The following PDZRN4 variants were observed in gnomAD, a reference collection of about 807,000 sequenced individuals.
PDZRN4 encodes the protein PDZ domain containing ring finger 4.
PDZRN4 carries 70 observed loss-of-function variants against 99.0 expected under a neutral mutation model. The observed-to-expected ratio is 0.71, with a 90% confidence interval of 0.58 to 0.86. The LOEUF is 0.86. Among genes scored for constraint, PDZRN4 ranks in the 40% least tolerant of loss-of-function variants. The pLI, the probability that PDZRN4 is intolerant of heterozygous loss-of-function variation, is 0.00. For synonymous variants in PDZRN4, 551 were observed against 501.6 expected, an observed-to-expected ratio of 1.10 and a Z score of -1.32; for missense variants, 1,474 against 1,331.2, an observed-to-expected ratio of 1.11 and a Z score of -1.67.
intron 3 of PDZRN4, among the ~76,000 whole-genome samples, chr12:41,333,434 A>G (rs937456504): frequency 2.6e-5 from 4 of 152,124 alleles, no homozygotes; most frequent in African/African-American, 7.2e-5. Flanking sequence ...TGCTTGCTCC[A>G]TGAATGGGGA....
At chr12:41,510,693 T>C (rs1213876269) in intron 5 of PDZRN4, among the ~76,000 whole-genome samples, 1 of 152,120 alleles carries the variant, frequency 6.6e-6, no homozygotes, top group East Asian at 1.9e-4. Context: ...GGTGATGTCA[T>C]ACAAGTTCAG....
At chr12:41,479,049 A>G (rs1271046420) in intron 3 of PDZRN4, among the ~76,000 whole-genome samples, 6 of 152,168 alleles carry the variant, frequency 3.9e-5, no homozygotes, top group Non-Finnish European at 7.4e-5. Context: ...AAAAAAAGTA[A>G]GTTTTTTTTC....
chr12:41,501,566 G>A (rs774038012), intron 3 of PDZRN4, among the ~76,000 whole-genome samples: 3 of 152,006 alleles, frequency 2.0e-5, no homozygotes, highest in Non-Finnish European at 4.4e-5. Flanking sequence ...CCTAACATTC[G>A]CAAGTTGCTT....
At chr12:41,381,991 T>A (rs1349937877) in intron 3 of PDZRN4, among the ~76,000 whole-genome samples, 3 of 152,044 alleles carry the variant, frequency 2.0e-5, no homozygotes, top group Admixed American at 6.6e-5. Context: ...ATGCTCTCAG[T>A]TTAGGTTTGA....
intron 5 of PDZRN4, among the ~76,000 whole-genome samples, chr12:41,530,017 T>C (rs981401937): frequency 2.6e-5 from 4 of 152,206 alleles, no homozygotes; most frequent in African/African-American, 9.7e-5. Context: ...CTTTATGCTT[T>C]TGGTGCTATC....
intron 3 of PDZRN4, among the ~76,000 whole-genome samples, chr12:41,369,500 T>C (rs1952025318): frequency 6.6e-6 from 1 of 152,066 alleles, no homozygotes; most frequent in Non-Finnish European, 1.5e-5. Flanking sequence ...TCAATTCTCT[T>C]TTTAATTTTC....
rs1034192742 is a variant in PDZRN4, at chr12:41,221,290, G to A, written c.843+27102G>A. Among the ~76,000 whole-genome samples, 12 of 152,122 alleles carry A rather than the reference G, an allele frequency of 7.9e-5. No individual in the cohort carries two copies. In the East Asian group the frequency reaches 9.6e-4, roughly 12 times the overall value. ...GGATTGTTTGTTACAGCACTTACTC[G>A]TCCTAACACAGAAATTAGTACGGTG... On this transcript the variant is annotated intron_variant, in intron 3 of 9. Coordinates refer to ENST00000402685, the MANE Select transcript of PDZRN4 (RefSeq NM_001164595.2).
chr12:41,377,862 A>G (rs767489763), intron 3 of PDZRN4, among the ~76,000 whole-genome samples: 1 of 152,144 alleles, frequency 6.6e-6, no homozygotes, highest in Admixed American at 6.5e-5. Context: ...TTCATTTGTT[A>G]GTTCTCTCAG....
chr12:41,265,251 G>T lies in PDZRN4; in HGVS notation c.843+71063G>T, dbSNP rs181543969. On this transcript the variant is annotated intron_variant, in intron 3 of 9. Transcript: ENST00000402685. Reference sequence around the variant, plus strand: ...TCAAAGTTGATCATTTATATTAAAGGACATATATTTTACATGCATGGTTTA... The same window carrying T: ...TCAAAGTTGATCATTTATATTAAAGTACATATATTTTACATGCATGGTTTA... Among the ~76,000 whole-genome samples the T allele has an allele frequency of 1.2e-4, 18 of 152,134 alleles. 1 individual carries two copies. The East Asian group carries it at 2.3e-3, about 20-fold the overall frequency.
intron 5 of PDZRN4, among the ~76,000 whole-genome samples, chr12:41,534,923 T>G (rs563603649): frequency 6.6e-6 from 1 of 152,304 alleles, no homozygotes; most frequent in African/African-American, 2.4e-5. Context: ...TTTTTATTTC[T>G]TTGTGTCTTT....
At position 41,509,921 on chromosome 12, in the gene PDZRN4, C is replaced by A. The variant is rs755198203; in HGVS notation, c.1203+8C>A. The A allele has an allele frequency of 4.6e-6, 6 of 1,312,718 alleles. No homozygotes were observed. In the East Asian group the frequency reaches 7.0e-5, roughly 15 times the overall value. 81.3% of individuals were successfully genotyped at this position (1,312,718 alleles called of 1,614,324 possible). A position where few individuals can be genotyped will look rare whatever the true frequency, so the allele number is the denominator to read the frequency against. Reference sequence around the variant, plus strand: ...GAAGACTTTGAATATGAGGTAAGGTCATTTTCATACCACTTCACATTTCTT... The same window carrying A: ...GAAGACTTTGAATATGAGGTAAGGTAATTTTCATACCACTTCACATTTCTT... On this transcript the variant is annotated splice_region_variant and intron_variant, in intron 5 of 9. Coordinates refer to ENST00000402685, the MANE Select transcript of PDZRN4 (RefSeq NM_001164595.2).
intron 3 of PDZRN4, among the ~76,000 whole-genome samples, chr12:41,230,242 A>C (rs1161387990): frequency 2.6e-5 from 4 of 151,908 alleles, no homozygotes; most frequent in Non-Finnish European, 4.4e-5. Context: ...ATTCCATGTG[A>C]AAGTAGGGAG....
chr12:41,414,057 C>A (rs1598893), intron 3 of PDZRN4, among the ~76,000 whole-genome samples: 1 of 151,934 alleles, frequency 6.6e-6, no homozygotes, highest in Admixed American at 6.6e-5. Flanking sequence ...AAATTTATTT[C>A]TCCACTTACT....
intron 3 of PDZRN4, among the ~76,000 whole-genome samples, chr12:41,365,179 A>G (rs1489897543): frequency 6.6e-6 from 1 of 152,096 alleles, no homozygotes. Context: ...GGGAAATAAT[A>G]AAAGATATTG....
chr12:41,189,897 C>A (rs578249414), intron 1 of PDZRN4, among the ~76,000 whole-genome samples: 55 of 152,246 alleles, frequency 3.6e-4, no homozygotes, highest in Middle Eastern at 3.4e-3. Flanking sequence ...CCTTCTTTGT[C>A]TAAGCTGCTG....
At chr12:41,343,267 G>A (rs1016578114) in intron 3 of PDZRN4, among the ~76,000 whole-genome samples, 1 of 151,824 alleles carries the variant, frequency 6.6e-6, no homozygotes, top group Non-Finnish European at 1.5e-5. Flanking sequence ...ATGATATTTT[G>A]TATTTCCGTG....
intron 3 of PDZRN4, among the ~76,000 whole-genome samples, chr12:41,375,129 CTT>C (rs961461382): frequency 2.0e-5 from 3 of 152,138 alleles, no homozygotes; most frequent in Admixed American, 1.3e-4. Flanking sequence ...CTCAGTAAAA[CTT>C]TGAGATGACT....
chr12:41,208,211 C>A (rs1950863986), intron 3 of PDZRN4, among the ~76,000 whole-genome samples: 1 of 151,798 alleles, frequency 6.6e-6, no homozygotes. Context: ...TCTGACGTGA[C>A]AAAATAGAAG....
chr12:41,563,595 G>A lies in PDZRN4; in HGVS notation c.1413G>A (p.Leu471=), dbSNP rs762095628. 1.9e-6 allele frequency: 3 copies of A among 1,613,512 alleles called. No homozygotes were observed. The highest frequency in any genetic ancestry group is 4.5e-5 in the East Asian group (2 of 44,878). The change falls in exon 8 of 10, where the codon CTG becomes CTA. Residue 471 remains leucine (L), a synonymous_variant. Transcript: ENST00000402685. ...ATCGAGAAGAAGCAGTGGCCTTGCT[G>A]TCTAACGATGAGTGTAAGAGAATCG... is the stretch of plus-strand genomic sequence containing the variant. ...VQNREEAVAL[L]SNDECKRIVL...
Sources: allele counts gnomAD v4.1 joint callset (sites outside exome capture counted in the v4.1 genomes callset), GRCh38; gene constraint gnomAD v4.1.1; transcripts MANE v1.5; gene names NCBI Gene and HGNC (gene_info 2026-07-23, HGNC 2026-07-21).